The following VCAN variants were observed in gnomAD, a reference collection of about 807,000 sequenced individuals.
The protein encoded by VCAN is versican.
Under a neutral mutation model 245.5 loss-of-function variants are expected in VCAN, and 44 were observed. The observed-to-expected ratio is 0.18, with a 90% CI of 0.14 to 0.23. The LOEUF (loss-of-function observed/expected upper bound fraction) is 0.23, where lower values mean the gene tolerates loss of function less well. Ranked by LOEUF, VCAN falls within the 10% of genes least tolerant of loss-of-function variation. VCAN has a pLI of 1.00. For missense variants in VCAN, 3,793 were observed against 4,057.9 expected (o/e 0.93, Z 1.77); for synonymous variants, 1,413 against 1,437.0 (o/e 0.98, Z 0.38).
intron 1 of VCAN, among the ~76,000 whole-genome samples, chr5:83,478,251 A>G (rs33600): frequency 0.38 from 57,120 of 152,020 alleles, 10,968 homozygotes; most frequent in South Asian, 0.51. Flanking sequence ...TGGCAAAAAT[A>G]AAATTAAAAA....
At chr5:83,490,493 A>G (rs761329133) in intron 3 of VCAN, 21 bp downstream of exon 3, 1 of 1,613,204 alleles carries the variant, frequency 6.2e-7, no homozygotes, top group Admixed American at 1.7e-5. Flanking sequence ...TATTATCTGC[A>G]AGAAGGTAGT....
chr5:83,576,243 T>G (rs1047017199), intron 13 of VCAN, among the ~76,000 whole-genome samples: 1 of 152,120 alleles, frequency 6.6e-6, no homozygotes, highest in African/African-American at 2.4e-5. Flanking sequence ...TTTTCTATTA[T>G]GATATACACT....
chr5:83,506,017 C>T (rs987330638), intron 5 of VCAN, among the ~76,000 whole-genome samples: 1 of 152,206 alleles, frequency 6.6e-6, no homozygotes, highest in African/African-American at 2.4e-5. Context: ...ATTCCCCAAG[C>T]TGCATACAGC....
At chr5:83,516,513 G>A (rs953814572) in intron 6 of VCAN, among the ~76,000 whole-genome samples, 5 of 152,180 alleles carry the variant, frequency 3.3e-5, no homozygotes, top group African/African-American at 1.2e-4. Flanking sequence ...CTCATGTCTC[G>A]CAACAGAAGC....
chr5:83,552,974 G>A (rs1009200245), intron 10 of VCAN, among the ~76,000 whole-genome samples: 5 of 152,132 alleles, frequency 3.3e-5, no homozygotes, highest in African/African-American at 7.2e-5. Flanking sequence ...TCTATTAGCC[G>A]GAACTCTTAT....
At chr5:83,525,571 C>A (rs531342471) in intron 7 of VCAN, among the ~76,000 whole-genome samples, 1 of 152,054 alleles carries the variant, frequency 6.6e-6, no homozygotes, top group Admixed American at 6.6e-5. Context: ...TAGTTATAAC[C>A]TTAAAATAGG....
intron 1 of VCAN, among the ~76,000 whole-genome samples, chr5:83,479,534 GC>G (rs1255766811): frequency 7.2e-5 from 11 of 152,034 alleles, no homozygotes; most frequent in African/African-American, 2.4e-4. Context: ...CTAAATATAG[GC>G]ATTCACTCTC....
At chr5:83,569,398 C>T (rs988002239) in intron 12 of VCAN, among the ~76,000 whole-genome samples, 1 of 152,080 alleles carries the variant, frequency 6.6e-6, no homozygotes, top group Admixed American at 6.6e-5. Flanking sequence ...GGTTCATTGT[C>T]TCTAAATATC....
Position 83,581,848 on chromosome 5 carries a change from C to T in VCAN, c.*1414C>T, listed in dbSNP as rs1439601777. 1 of 151,964 alleles carries T rather than the reference C, an allele frequency of 6.6e-6. No individual in the cohort carries two copies. Among genetic ancestry groups the T allele is most frequent in the Non-Finnish European group, 1.5e-5 (1 of 67,994 alleles). The allele number at this position is 151,964 out of a possible 1,614,324, so 9.4% of individuals were successfully genotyped here. On this transcript the variant is annotated 3_prime_UTR_variant, in exon 15 of 15. Coordinates refer to ENST00000265077, the MANE Select transcript of VCAN (RefSeq NM_004385.5). Reference sequence around the variant, plus strand: ...ACTTAATTTAATGTTTAAAGAAAAACCTGTAATGGAAAGTAAGACTCCTTC... The same window carrying T: ...ACTTAATTTAATGTTTAAAGAAAAATCTGTAATGGAAAGTAAGACTCCTTC...
At position 83,572,487 on chromosome 5, in the gene VCAN, T is replaced by C; in HGVS notation, c.9807T>C (p.Ile3269=). 6.2e-7 allele frequency: 1 copy of C among 1,613,988 alleles called. No homozygotes were observed. Residue 3269 remains isoleucine, a synonymous_variant, in exon 13 of 15, where the codon ATT becomes ATC. Transcript: ENST00000265077. ...FSAGEDCVVI[I]WHENGQWNDV... ...CTGGAGAAGACTGTGTTGTAATCAT[T>C]TGGCATGAGAATGGCCAGTGGAATG...
At position 83,538,058 on chromosome 5, in the gene VCAN, T is replaced by C. The variant is rs374595238; in HGVS notation, c.5055T>C (p.Pro1685=). The change falls in exon 8 of 15, where the codon CCT becomes CCC. Residue 1685 remains proline, a synonymous_variant. Coordinates refer to ENST00000265077, the MANE Select transcript of VCAN (RefSeq NM_004385.5). The part of the protein sequence containing the change: ...RIITESFFEV[P]ATTIYPVSEQ... ...TCACAGAAAGCTTTTTTGAGGTTCC[T>C]GCAACCACCATTTATCCAGTTTCTG... The C allele has an allele frequency of 6.2e-7, 1 of 1,614,098 alleles. No homozygotes were observed. Among genetic ancestry groups the C allele is most frequent in the Non-Finnish European group, 8.5e-7 (1 of 1,179,966 alleles).
At chr5:83,508,324 A>G (rs1745541593) in intron 5 of VCAN, among the ~76,000 whole-genome samples, 5 of 152,222 alleles carry the variant, frequency 3.3e-5, no homozygotes, top group Admixed American at 1.3e-4. Context: ...TGATTAAAAT[A>G]TAGGTCTTTA....
intron 10 of VCAN, among the ~76,000 whole-genome samples, chr5:83,549,804 C>T (rs559364776): frequency 6.6e-6 from 1 of 152,306 alleles, no homozygotes; most frequent in African/African-American, 2.4e-5. Flanking sequence ...TTACGCAGTG[C>T]AGCTGTGCTC....
At chr5:83,525,413 A>C (rs879619092) in intron 7 of VCAN, among the ~76,000 whole-genome samples, 2 of 152,056 alleles carry the variant, frequency 1.3e-5, no homozygotes, top group Non-Finnish European at 2.9e-5. Flanking sequence ...TTTTTAAAAG[A>C]GCACTCCTCT....
At chr5:83,483,656 C>T in intron 2 of VCAN, 68 bp downstream of exon 2, 2 of 1,377,780 alleles carry the variant, frequency 1.5e-6, no homozygotes, top group Non-Finnish European at 2.1e-6. Context: ...GATGAAATGG[C>T]AATGTGGAAT....
chr5:83,478,179 C>T (rs894534028), intron 1 of VCAN, among the ~76,000 whole-genome samples: 4 of 152,044 alleles, frequency 2.6e-5, no homozygotes, highest in African/African-American at 9.7e-5. Context: ...CTCCTGACCT[C>T]AAGTGATTCA....
Position 83,519,972 on chromosome 5 carries a change from G to A in VCAN, c.1666G>A (p.Asp556Asn). Residue 556 changes from aspartate to asparagine, a missense_variant, in exon 7 of 15, where the codon GAT becomes AAT. Transcript: ENST00000265077. ...CTATGGATTCACCTTGGGAGAAGAG[G>A]ATGATGAAGACAGAACACTTACAGT... ...GHYGFTLGEE[D>N]DEDRTLTVGS... 1 of 1,614,094 alleles carries A rather than the reference G, an allele frequency of 6.2e-7. No homozygotes were observed. Among genetic ancestry groups the A allele is most frequent in the Non-Finnish European group, 8.5e-7 (1 of 1,179,972 alleles).
intron 5 of VCAN, among the ~76,000 whole-genome samples, chr5:83,502,696 A>G (rs1745367275): frequency 6.6e-6 from 1 of 152,242 alleles, no homozygotes; most frequent in African/African-American, 2.4e-5. Context: ...TGCATTTTCA[A>G]ATGAATATAA....
In VCAN at chr5:83,538,201, G is replaced by T; in HGVS notation, c.5198G>T (p.Gly1733Val). The change falls in exon 8 of 15, where the codon GGT becomes GTT. Residue 1733 changes from glycine to valine, a missense_variant. By Grantham distance (109) the Gly-to-Val change is moderately radical. Around this residue, in one of 5 missense-constraint regions of VCAN, gnomAD observed 3,182 missense variants for 3,250.3 expected, o/e 0.98. Coordinates refer to ENST00000265077, the MANE Select transcript of VCAN (RefSeq NM_004385.5). ...AGGAAGGAGGAGGAGGGAACTACAG[G>T]TACGGCTTCTACATTTGAGGTATAT... ...KKRKEEEGTT[G>V]TASTFEVYSS... The T allele has an allele frequency of 1.2e-6, 2 of 1,613,838 alleles. No individual in the cohort carries two copies. Among genetic ancestry groups the T allele is most frequent in the Non-Finnish European group, 1.7e-6 (2 of 1,179,950 alleles).
Sources: allele counts gnomAD v4.1 joint callset (sites outside exome capture counted in the v4.1 genomes callset), GRCh38; gene constraint gnomAD v4.1.1; regional missense constraint gnomAD v4.1.1; transcripts MANE v1.5; gene names NCBI Gene and HGNC (gene_info 2026-07-23, HGNC 2026-07-21).